Variants in PCSK6 observed in about 807,000 individuals in gnomAD.
PCSK6 encodes paired basic amino acid cleaving enzyme 4.
PCSK6 carries 85 observed loss-of-function variants against 123.3 expected under a neutral mutation model. The observed-to-expected ratio is 0.69, with a 90% confidence interval of 0.58 to 0.83. The LOEUF (loss-of-function observed/expected upper bound fraction) is 0.83, where lower values mean the gene tolerates loss of function less well. Among genes scored for constraint, PCSK6 ranks in the 40% least tolerant of loss-of-function variants. The pLI is 0.00. For synonymous variants in PCSK6, 508 were observed against 516.0 expected, an observed-to-expected ratio of 0.98 and a Z score of 0.21; for missense variants, 1,191 against 1,282.3, an observed-to-expected ratio of 0.93 and a Z score of 1.09.
At chr15:101,421,010 G>C (rs939655117) in intron 6 of PCSK6, among the ~76,000 whole-genome samples, 7 of 152,066 alleles carry the variant, frequency 4.6e-5, no homozygotes, top group African/African-American at 1.7e-4. Flanking sequence ...GCAGTGGCAC[G>C]ATCTTGGCTC....
Position 101,347,414 on chromosome 15 carries a change from G to A in PCSK6, c.1859-15383C>T, listed in dbSNP as rs571247854. The A allele has an allele frequency of 4.8e-6, 6 of 1,237,560 alleles. No individual in the cohort carries two copies. In the South Asian group the frequency reaches 1.2e-4, roughly 26 times the overall value. The allele number at this position is 1,237,560 out of a possible 1,614,324, so 76.7% of individuals were successfully genotyped here. A position where few individuals can be genotyped will look rare whatever the true frequency, so the allele number is the denominator to read the frequency against. ...AATCAAGAATTCATGGAACTTTTTA[G>A]GATGAATAAAGGGAAAACATGGTCA... On this transcript the variant is annotated intron_variant, in intron 13 of 21. Transcript: ENST00000611716.
rs2039692889 is a variant in PCSK6 at position 101,305,180 on chromosome 15, ACT to A, written c.*76_*77del. 8.0e-7 allele frequency: 1 copy of A among 1,250,006 alleles called. No homozygotes were observed. The highest frequency in any genetic ancestry group is 2.5e-5 in the East Asian group (1 of 40,084). 77.4% of individuals were successfully genotyped at this position (1,250,006 alleles called of 1,614,324 possible). Reference sequence around the variant, plus strand: ...GTGCAGGGCGCCGCTCCTGAAACAGACTCTGGCCGACAGTCTGGAGGAAGGTG... The same window carrying A: ...GTGCAGGGCGCCGCTCCTGAAACAGACTGGCCGACAGTCTGGAGGAAGGTG... On this transcript the variant is annotated 3_prime_UTR_variant, in exon 22 of 22. Transcript: ENST00000611716. The surrounding 1 kb of genome is among the most constrained non-coding windows in gnomAD (Gnocchi z 4.8).
At chr15:101,433,629 G>A (rs1354439423) in intron 2 of PCSK6, among the ~76,000 whole-genome samples, 1 of 152,218 alleles carries the variant, frequency 6.6e-6, no homozygotes, top group Non-Finnish European at 1.5e-5. Flanking sequence ...AGAAGGGGGC[G>A]GGGCCCCAAG....
chr15:101,431,904 T>G, intron 3 of PCSK6, 86 bp downstream of exon 3: 1 of 939,558 alleles, frequency 1.1e-6, no homozygotes, highest in Non-Finnish European at 1.7e-6. Flanking sequence ...GTTGTTTGAA[T>G]TTAGCTTTGT....
At chr15:101,430,401 C>G (rs938575581) in intron 4 of PCSK6, among the ~76,000 whole-genome samples, 2 of 152,190 alleles carry the variant, frequency 1.3e-5, no homozygotes, top group African/African-American at 4.8e-5. Context: ...CCCCACTCCA[C>G]CTTTTTGTCT....
At chr15:101,375,123 T>TG (rs2041696923) in intron 11 of PCSK6, among the ~76,000 whole-genome samples, 1 of 152,098 alleles carries the variant, frequency 6.6e-6, no homozygotes, top group African/African-American at 2.4e-5. Flanking sequence ...CGGCCAATGT[T>TG]TGTATTTTTA....
intron 5 of PCSK6, among the ~76,000 whole-genome samples, chr15:101,429,027 T>C (rs2056355125): frequency 2.0e-5 from 3 of 152,208 alleles, no homozygotes; most frequent in South Asian, 4.2e-4. Context: ...GGAACTCCAG[T>C]GGCCGAGGCT....
chr15:101,420,955 T>G (rs1473111315), intron 6 of PCSK6, among the ~76,000 whole-genome samples: 1 of 152,174 alleles, frequency 6.6e-6, no homozygotes, highest in Non-Finnish European at 1.5e-5. Context: ...GTTTCTTTTT[T>G]ATTATTTTTG....
rs1007682264 is a variant in PCSK6, at chr15:101,417,827, C to T, written c.823+10065G>A. 6.6e-4 allele frequency among the ~76,000 whole-genome samples: 100 copies of T among 151,664 alleles called. 1 individual carries two copies. Among genetic ancestry groups the T allele is most frequent in the African/African-American group, 2.2e-3 (93 of 41,454 alleles). On this transcript the variant is annotated intron_variant, in intron 6 of 21. Coordinates refer to ENST00000611716, the MANE Select transcript of PCSK6 (RefSeq NM_002570.5). ...GAACTCAATTAAAAAAAACCTAGTT[C>T]TCTGCAAAAGCCTGTTTTTTTTTAT...
chr15:101,355,805 G>C, intron 13 of PCSK6, among the ~76,000 whole-genome samples: 1 of 152,222 alleles, frequency 6.6e-6, no homozygotes, highest in East Asian at 1.9e-4. Flanking sequence ...GGCCCTGGGT[G>C]GGGAGGCTGG....
intron 1 of PCSK6, among the ~76,000 whole-genome samples, chr15:101,469,636 C>T (rs1386038155): frequency 3.3e-5 from 5 of 152,288 alleles, no homozygotes; most frequent in African/African-American, 4.8e-5. Flanking sequence ...GGTGTCCACA[C>T]GCTGCTGAAT....
chr15:101,445,924 T>A (rs2141160191), intron 1 of PCSK6, among the ~76,000 whole-genome samples: 1 of 152,128 alleles, frequency 6.6e-6, no homozygotes, highest in East Asian at 1.9e-4. Context: ...AAGCCACCTT[T>A]CCCCTCAAAG....
At position 101,412,591 on chromosome 15, in the gene PCSK6, C is replaced by T. The variant is rs150284611; in HGVS notation, c.824-14015G>A. ...AAGAAATACACGATATAAAGAGGAA[C>T]CAAGTAGAATTATTAGAACTGGAAA... On this transcript the variant is annotated intron_variant, in intron 6 of 21. Transcript: ENST00000611716. Among the ~76,000 whole-genome samples, 927 of 150,414 alleles carry T rather than the reference C, an allele frequency of 6.2e-3. 6 individuals carry two copies. The highest frequency in any genetic ancestry group is 0.025 in the South Asian group (120 of 4,766).
At position 101,369,317 on chromosome 15, in the gene PCSK6, AC is replaced by A. The variant is rs1203815721; in HGVS notation, c.1721+1017del. On this transcript the variant is annotated intron_variant, in intron 12 of 21. Coordinates refer to ENST00000611716, the MANE Select transcript of PCSK6 (RefSeq NM_002570.5). ...GAGGGGAAGGGTTAAGCAAAGGGCA[AC>A]CCCCAACTTCTGCCTGGTTCCATCT... Among the ~76,000 whole-genome samples, 5 of 151,964 alleles carry A rather than the reference AC, an allele frequency of 3.3e-5. No homozygotes were observed. In the East Asian group the frequency reaches 9.7e-4, roughly 29 times the overall value.
At chr15:101,403,634 C>A (rs2042677735) in intron 6 of PCSK6, among the ~76,000 whole-genome samples, 1 of 152,200 alleles carries the variant, frequency 6.6e-6, no homozygotes, top group African/African-American at 2.4e-5. Flanking sequence ...GGGGCCTCTA[C>A]TTCTGTGTCC....
chr15:101,450,883 C>T (rs181121769), intron 1 of PCSK6, among the ~76,000 whole-genome samples: 2 of 152,244 alleles, frequency 1.3e-5, no homozygotes, highest in African/African-American at 2.4e-5. Context: ...GGTCTGAGGA[C>T]TTGAGGCAGG....
chr15:101,383,042 G>C (rs985793221), intron 10 of PCSK6, among the ~76,000 whole-genome samples: 3 of 151,702 alleles, frequency 2.0e-5, no homozygotes, highest in Non-Finnish European at 2.9e-5. Flanking sequence ...CTTCAGAAAA[G>C]GTTAAAAAAA....
rs1424204256 is a variant in PCSK6 at position 101,398,150 on chromosome 15, G to A, written c.996+254C>T. On this transcript the variant is annotated intron_variant, in intron 7 of 21. Coordinates refer to ENST00000611716, the MANE Select transcript of PCSK6 (RefSeq NM_002570.5). The surrounding 1 kb of genome is among the most constrained non-coding windows in gnomAD (Gnocchi z 4.6). Reference sequence around the variant, plus strand: ...GGCAAACTCCAAGGCAGAGAGGGTCGTGCTAGCAGTGGCCACCTGGCTGTC... The same window carrying A: ...GGCAAACTCCAAGGCAGAGAGGGTCATGCTAGCAGTGGCCACCTGGCTGTC... Among the ~76,000 whole-genome samples, 4 of 152,212 alleles carry A rather than the reference G, an allele frequency of 2.6e-5. No homozygotes were observed. The highest frequency in any genetic ancestry group is 2.1e-4 in the South Asian group (1 of 4,826).
intron 20 of PCSK6, chr15:101,313,040 T>C: frequency 8.3e-7 from 1 of 1,204,782 alleles, no homozygotes; most frequent in Non-Finnish European, 1.0e-6. Flanking sequence ...ACATGGTTTC[T>C]CTGATTATCG....
Sources: gnomAD v4.1 joint callset for allele counts (sites outside exome capture counted in the v4.1 genomes callset) on GRCh38, gnomAD v4.1.1 for gene constraint, Gnocchi (gnomAD v3.1) non-coding constraint, MANE v1.5 for transcripts, NCBI Gene and HGNC (gene_info 2026-07-23, HGNC 2026-07-21) for gene names.